Variants in DSG1 observed in about 807,000 individuals in gnomAD.
DSG1 encodes the protein desmoglein-1.
A neutral mutation model predicts 97.5 loss-of-function variants in DSG1; 39 were observed. The ratio of observed to expected loss-of-function variants is 0.40; its 90% CI spans 0.31 to 0.52. The LOEUF (loss-of-function observed/expected upper bound fraction) is 0.52. Among genes scored for constraint, DSG1 ranks in the 20% least tolerant of loss-of-function variants. DSG1 has a pLI of 0.53. For synonymous variants in DSG1, 475 were observed against 443.4 expected (o/e 1.07, Z -0.90); for missense variants, 1,311 against 1,295.4 (o/e 1.01, Z -0.18).
At chr18:31,350,796 T>C (rs2071889099) in intron 14 of DSG1, among the ~76,000 whole-genome samples, 1 of 150,874 alleles carries the variant, frequency 6.6e-6, no homozygotes, top group African/African-American at 2.4e-5. Context: ...TTTGTATTTC[T>C]GTGGGATCAG....
intron 14 of DSG1, among the ~76,000 whole-genome samples, chr18:31,350,454 C>A (rs1295383932): frequency 6.8e-6 from 1 of 146,808 alleles, no homozygotes; most frequent in Non-Finnish European, 1.5e-5. Context: ...CTCTGCCTGG[C>A]TTTGGTATCA....
At chr18:31,354,002 C>T (rs2071928318) in intron 14 of DSG1, 1 of 353,326 alleles carries the variant, frequency 2.8e-6, no homozygotes, top group Non-Finnish European at 5.3e-6. Context: ...TCCTCGAAAC[C>T]AATTCATGTG....
chr18:31,319,071 G>A (rs1252207275), intron 1 of DSG1, among the ~76,000 whole-genome samples: 2 of 152,120 alleles, frequency 1.3e-5, no homozygotes, highest in Non-Finnish European at 2.9e-5. Flanking sequence ...TATAAAAGTT[G>A]TGCACTTGAT....
In DSG1 at chr18:31,355,124, C is replaced by T; in HGVS notation, c.2928C>T (p.Ser976=). 1 of 1,613,352 alleles carries T rather than the reference C, an allele frequency of 6.2e-7. No individual in the cohort carries two copies. The highest frequency in any genetic ancestry group is 8.5e-7 in the Non-Finnish European group (1 of 1,179,380). The change falls in exon 15 of 15, where the codon AGC becomes AGT. Residue 976 remains serine, a synonymous_variant. Transcript: ENST00000257192. ...CTGGGATCAGCGGTGGCATAGGCAG[C>T]AGTGGCCTGGTTGGCACCAGCATGG... is the stretch of plus-strand genomic sequence containing the variant. ...GTTGISGGIG[S]SGLVGTSMGA... is the part of the protein sequence containing the mutation.
chr18:31,354,229 T>G, intron 14 of DSG1, 68 bp from the exon 15 acceptor site: 1 of 1,394,414 alleles, frequency 7.2e-7, no homozygotes, highest in East Asian at 2.3e-5. Flanking sequence ...AAACTAATGA[T>G]AAAGGCTGTT....
intron 14 of DSG1, among the ~76,000 whole-genome samples, chr18:31,350,611 A>G (rs1215136054): frequency 2.0e-5 from 3 of 148,366 alleles, no homozygotes; most frequent in Non-Finnish European, 3.0e-5. Context: ...ACTCTTTTTG[A>G]TTGGTAAGCT....
At chr18:31,353,221 A>AGTG (rs1220010738) in intron 14 of DSG1, among the ~76,000 whole-genome samples, 15 of 149,514 alleles carry the variant, frequency 1.0e-4, no homozygotes, top group African/African-American at 1.5e-4. Flanking sequence ...CTGTTGGAGT[A>AGTG]CCCTGCCGTG....
Position 31,334,068 on chromosome 18 carries a change from A to C in DSG1, c.871A>C (p.Arg291=), listed in dbSNP as rs2071737185. ...TCTAAATTCAAATTTGCTCGAGATT[A>C]GAGTAATTGATTTGGATGAAGAGTT... The part of the protein sequence containing the change: ...NTLNSNLLEI[R]VIDLDEEFSA... The change falls in exon 8 of 15, where the codon AGA becomes CGA. Residue 291 remains arginine (R), a synonymous_variant. Transcript: ENST00000257192. The C allele has an allele frequency of 6.2e-7, 1 of 1,610,804 alleles. No homozygotes were observed. The highest frequency in any genetic ancestry group is 1.7e-5 in the Admixed American group (1 of 59,972).
chr18:31,341,944 GT>G (rs34696462), intron 11 of DSG1, among the ~76,000 whole-genome samples: 68,504 of 148,966 alleles, frequency 0.46, 16,251 homozygotes, highest in South Asian at 0.54. Flanking sequence ...TTGTTTTTTT[GT>G]TTTTTTTTGA....
intron 6 of DSG1, among the ~76,000 whole-genome samples, chr18:31,333,362 A>G (rs188477678): frequency 6.6e-6 from 1 of 152,142 alleles, no homozygotes; most frequent in Non-Finnish European, 1.5e-5. Flanking sequence ...TATTATTATT[A>G]ATAAGAAATG....
At chr18:31,320,558 C>T (rs56674356) in intron 1 of DSG1, among the ~76,000 whole-genome samples, 9,445 of 152,242 alleles carry the variant, frequency 0.062, 1,011 homozygotes, top group African/African-American at 0.21. Flanking sequence ...GCTGCTCTTA[C>T]AGCAATCAAG....
Position 31,354,768 on chromosome 18 carries a change from C to T in DSG1, c.2572C>T (p.Pro858Ser), listed in dbSNP as rs777746179. ...KPSVHVHDNRPASNVVVTERV... is the reference protein window; with the variant it reads ...KPSVHVHDNRSASNVVVTERV... ...CTCTGTGCACGTTCACGATAACCGA[C>T]CAGCATCAAACGTGGTAGTGACAGA... The change falls in exon 15 of 15, where the codon CCA becomes TCA. Residue 858 changes from proline to serine, a missense_variant. Pro to Ser is a moderately conservative substitution (Grantham distance 74, BLOSUM62 -1). Coordinates refer to ENST00000257192, the MANE Select transcript of DSG1 (RefSeq NM_001942.4). The T allele has an allele frequency of 2.5e-6, 4 of 1,614,172 alleles. No individual in the cohort carries two copies. Among genetic ancestry groups the T allele is most frequent in the African/African-American group, 2.7e-5 (2 of 75,040 alleles).
intron 6 of DSG1, 147 bp downstream of exon 6, chr18:31,332,014 A>T: frequency 1.4e-6 from 1 of 734,548 alleles, no homozygotes; most frequent in East Asian, 2.8e-5. Context: ...TGTAAGAAAT[A>T]TTTTTTAAAT....
intron 3 of DSG1, 112 bp downstream of exon 3, chr18:31,327,117 A>T (rs866228807): frequency 1.5e-5 from 21 of 1,369,154 alleles, no homozygotes; most frequent in Non-Finnish European, 2.1e-5. Context: ...TACGATACAG[A>T]ACAGAACTAT....
In DSG1 at chr18:31,354,870, G is replaced by A; in HGVS notation, c.2674G>A (p.Val892Ile). The A allele has an allele frequency of 6.2e-7, 1 of 1,614,182 alleles. No individual in the cohort carries two copies. Among genetic ancestry groups the A allele is most frequent in the Non-Finnish European group, 8.5e-7 (1 of 1,180,028 alleles). Residue 892 changes from valine (V) to isoleucine (I), a missense_variant, in exon 15 of 15, where the codon GTT (valine) becomes ATT (isoleucine). Coordinates refer to ENST00000257192, the MANE Select transcript of DSG1 (RefSeq NM_001942.4). ...EMPDLRDGSNVIVTERVIAPS... is the reference protein window; with the variant it reads ...EMPDLRDGSNIIVTERVIAPS... ...GCCTGACTTGCGAGATGGGTCGAAT[G>A]TTATAGTGACAGAAAGGGTAATAGC...
Position 31,355,412 on chromosome 18 carries a change from C to T in DSG1, c.*66C>T, listed in dbSNP as rs8099566. Reference sequence around the variant, plus strand: ...GATCCAATTCCCACCACTAAAAAACCAACAATGTGATTTATAACGCACAAC... The same window carrying T: ...GATCCAATTCCCACCACTAAAAAACTAACAATGTGATTTATAACGCACAAC... On this transcript the variant is annotated 3_prime_UTR_variant, in exon 15 of 15. Coordinates refer to ENST00000257192, the MANE Select transcript of DSG1 (RefSeq NM_001942.4). The T allele has an allele frequency of 0.76, 1,124,320 of 1,482,988 alleles. 429,195 individuals are homozygous for T. The highest frequency in any genetic ancestry group is 0.99 in the East Asian group (43,436 of 44,032). 91.9% of individuals were successfully genotyped at this position (1,482,988 alleles called of 1,614,324 possible).
At chr18:31,335,341 C>T (rs564092743) in intron 8 of DSG1, among the ~76,000 whole-genome samples, 1 of 152,234 alleles carries the variant, frequency 6.6e-6, no homozygotes, top group South Asian at 2.1e-4. Flanking sequence ...TTCCATGATA[C>T]TATTTAGGAT....
In DSG1 at chr18:31,331,871, A is replaced by G. The variant is rs1180794426; in HGVS notation, c.684+4A>G. On this transcript the variant is annotated splice_donor_region_variant and intron_variant, in intron 6 of 14. Transcript: ENST00000257192. ...GAATAATTTTCTAGACAGAGAGGTA[A>G]TTCTTTTTCTTTAAGTGGGTTTTTG... is the stretch of plus-strand genomic sequence containing the variant. 3 of 1,611,048 alleles carry G rather than the reference A, an allele frequency of 1.9e-6. No homozygotes were observed. The highest frequency in any genetic ancestry group is 2.2e-5 in the East Asian group (1 of 44,710).
chr18:31,339,546 G>A (rs866675193), intron 10 of DSG1, among the ~76,000 whole-genome samples, 198 bp from the exon 11 acceptor site: 2 of 151,678 alleles, frequency 1.3e-5, no homozygotes, highest in African/African-American at 2.4e-5. Flanking sequence ...GACTAATAAT[G>A]TTAGTTATAA....
Sources: allele counts gnomAD v4.1 joint callset (sites outside exome capture counted in the v4.1 genomes callset), GRCh38; gene constraint gnomAD v4.1.1; transcripts MANE v1.5; gene names NCBI Gene and HGNC (gene_info 2026-07-23, HGNC 2026-07-21).